BTLA: variants seen among roughly 807,000 people sequenced by gnomAD.
The protein encoded by BTLA is B- and T-lymphocyte attenuator.
BTLA carries 11 observed loss-of-function variants against 25.0 expected under a neutral mutation model. That is an observed-to-expected ratio of 0.44 (90% CI 0.28 to 0.73). The LOEUF (loss-of-function observed/expected upper bound fraction) is 0.73. BTLA is among the 30% of genes least tolerant of loss of function. The pLI is 0.15. For missense variants in BTLA, 282 were observed against 332.8 expected (o/e 0.85, Z 1.19); for synonymous variants, 104 against 119.8 (o/e 0.87, Z 0.86).
intron 1 of BTLA, among the ~76,000 whole-genome samples, chr3:112,497,573 A>G (rs1008333832): frequency 6.6e-6 from 1 of 152,208 alleles, no homozygotes; most frequent in Non-Finnish European, 1.5e-5. Flanking sequence ...CTATTTAATA[A>G]TATTTGACTC....
At chr3:112,480,299 A>G (rs576272641) in intron 1 of BTLA, among the ~76,000 whole-genome samples, 14 of 152,292 alleles carry the variant, frequency 9.2e-5, no homozygotes, top group Middle Eastern at 3.4e-3. Context: ...TAATCTCACC[A>G]TCATTTGCTG....
intron 2 of BTLA, among the ~76,000 whole-genome samples, chr3:112,473,611 CTTTTTTT>C (rs777897332): frequency 1.7e-5 from 2 of 115,154 alleles, no homozygotes; most frequent in African/African-American, 3.7e-5. Context: ...TTTTCTTCTT[CTTTTTTT>C]TTTTTTTTTT....
At chr3:112,471,437 C>G in intron 2 of BTLA, 82 bp from the exon 3 acceptor site, 1 of 1,438,250 alleles carries the variant, frequency 7.0e-7, no homozygotes, top group East Asian at 2.3e-5. Context: ...ATTGTCAGAA[C>G]TTGAGTGAAG....
intron 4 of BTLA, among the ~76,000 whole-genome samples, chr3:112,467,168 G>A (rs1473977302): frequency 1.3e-5 from 2 of 151,952 alleles, no homozygotes; most frequent in African/African-American, 4.8e-5. Context: ...CACCATTTTA[G>A]CCAGGATGGT....
chr3:112,478,003 T>C (rs1267492797), intron 2 of BTLA, among the ~76,000 whole-genome samples: 12 of 67,288 alleles, frequency 1.8e-4, no homozygotes, highest in Non-Finnish European at 5.7e-5. Flanking sequence ...GACAATACTA[T>C]TCTTTTTTTT....
chr3:112,488,115 G>T (rs1054071256), intron 1 of BTLA, among the ~76,000 whole-genome samples: 1 of 152,000 alleles, frequency 6.6e-6, no homozygotes, highest in Non-Finnish European at 1.5e-5. Flanking sequence ...TCTGTTTCAT[G>T]TGGATTATTG....
In BTLA at chr3:112,464,861, A is replaced by G. The variant is rs995132138; in HGVS notation, c.*1247T>C. On this transcript the variant is annotated 3_prime_UTR_variant, in exon 5 of 5. Transcript: ENST00000334529. ...TCCTTTGTGCAGCAGCTCAGCTCAC[A>G]TATTTGTTGAAATGGATTTTAACCT... 6.6e-6 allele frequency: 1 copy of G among 152,244 alleles called. No individual in the cohort carries two copies. The highest frequency in any genetic ancestry group is 1.9e-4 in the East Asian group (1 of 5,182). The allele number at this position is 152,244 out of a possible 1,614,324, so 9.4% of individuals were successfully genotyped here.
chr3:112,485,960 A>C (rs1402015904), intron 1 of BTLA, among the ~76,000 whole-genome samples: 1 of 152,118 alleles, frequency 6.6e-6, no homozygotes, highest in Non-Finnish European at 1.5e-5. Flanking sequence ...AAAATACAAA[A>C]CAAAAAATTA....
intron 3 of BTLA, among the ~76,000 whole-genome samples, chr3:112,470,860 C>G (rs1347904893): frequency 2.0e-5 from 3 of 152,174 alleles, no homozygotes; most frequent in African/African-American, 7.2e-5. Context: ...ATATCTTGAT[C>G]TGAGAGATTG....
chr3:112,495,952 T>A (rs2082406855), intron 1 of BTLA, among the ~76,000 whole-genome samples: 1 of 152,162 alleles, frequency 6.6e-6, no homozygotes, highest in South Asian at 2.1e-4. Context: ...CACTGTATTC[T>A]CAAAAGAGCC....
At chr3:112,496,888 C>A (rs1487363024) in intron 1 of BTLA, among the ~76,000 whole-genome samples, 2 of 152,078 alleles carry the variant, frequency 1.3e-5, no homozygotes, top group African/African-American at 4.8e-5. Flanking sequence ...CCAACACACC[C>A]AGCAAATTTT....
At chr3:112,488,511 C>T (rs539210193) in intron 1 of BTLA, among the ~76,000 whole-genome samples, 72 of 152,212 alleles carry the variant, frequency 4.7e-4, no homozygotes, top group East Asian at 1.7e-3. Context: ...CGTGAGCCAC[C>T]GCACTGGGCC....
intron 1 of BTLA, among the ~76,000 whole-genome samples, chr3:112,496,367 C>A (rs2971204): frequency 0.16 from 25,035 of 152,102 alleles, 4,459 homozygotes; most frequent in African/African-American, 0.44. Context: ...AAAAAGTAAG[C>A]AAGCATACTT....
In BTLA at chr3:112,479,730, T is replaced by G; in HGVS notation, c.128A>C (p.Gln43Pro). Reference protein sequence around the residue: ...SCDVQLYIKRQSEHSILAGDP... With the variant: ...SCDVQLYIKRPSEHSILAGDP... ...TCCTGCTAAGATGGAGTGTTCAGAT[T>G]GTCTCTTTATATAAAGCTGTACATC... Residue 43 changes from glutamine (Q) to proline (P), a missense_variant, in exon 2 of 5, where the codon CAA (glutamine) becomes CCA (proline). By Grantham distance (76) the Gln-to-Pro change is moderately conservative (BLOSUM62 -1). Around this residue, in one of 2 missense-constraint regions of BTLA, gnomAD observed 163 missense variants for 230.4 expected, o/e 0.71. Coordinates refer to ENST00000334529, the MANE Select transcript of BTLA (RefSeq NM_181780.4). The G allele has an allele frequency of 6.2e-7, 1 of 1,613,410 alleles. No homozygotes were observed. The highest frequency in any genetic ancestry group is 8.5e-7 in the Non-Finnish European group (1 of 1,179,666).
At position 112,471,265 on chromosome 3, in the gene BTLA, G is replaced by A; in HGVS notation, c.494C>T (p.Pro165Leu). 1 of 1,614,132 alleles carries A rather than the reference G, an allele frequency of 6.2e-7. No homozygotes were observed. The highest frequency in any genetic ancestry group is 8.5e-7 in the Non-Finnish European group (1 of 1,179,980). ...GCAGAAACAGGTAGTGATGAGTAGA[G>A]GCAATCCCCCCAAAGGAAGTAAACG... ...LYRLLPLGGLPLLITTCFCLF... is the reference protein window; with the variant it reads ...LYRLLPLGGLLLLITTCFCLF... Residue 165 changes from proline (P) to leucine (L), a missense_variant, in exon 3 of 5, where the codon CCT (proline) becomes CTT (leucine). Coordinates refer to ENST00000334529, the MANE Select transcript of BTLA (RefSeq NM_181780.4).
At chr3:112,466,958 CTTTT>C (rs869038641) in intron 4 of BTLA, among the ~76,000 whole-genome samples, 1,685 of 40,816 alleles carry the variant, frequency 0.041, 49 homozygotes, top group East Asian at 0.16. Flanking sequence ...GAAAATTCTT[CTTTT>C]TTTTTTTTTT....
At chr3:112,486,907 A>G (rs991423929) in intron 1 of BTLA, among the ~76,000 whole-genome samples, 2 of 152,048 alleles carry the variant, frequency 1.3e-5, no homozygotes, top group Admixed American at 1.3e-4. Flanking sequence ...TTGTCTCAGC[A>G]TTCTCTGTGG....
Position 112,464,829 on chromosome 3 carries a change from A to ACC in BTLA, c.*1278_*1279insGG, listed in dbSNP as rs397744204. The ACC allele has an allele frequency of 6.7e-6, 1 of 148,822 alleles. No homozygotes were observed. The highest frequency in any genetic ancestry group is 1.5e-5 in the Non-Finnish European group (1 of 67,126). 9.2% of individuals were successfully genotyped at this position (148,822 alleles called of 1,614,324 possible). Reference sequence around the variant, plus strand: ...CACACACACACACACACACACACACATCACATTCCTTTGTGCAGCAGCTCA... The same window carrying ACC: ...CACACACACACACACACACACACACACCTCACATTCCTTTGTGCAGCAGCTCA... On this transcript the variant is annotated 3_prime_UTR_variant, in exon 5 of 5. Transcript: ENST00000334529.
intron 2 of BTLA, among the ~76,000 whole-genome samples, chr3:112,477,761 T>C (rs947099889): frequency 6.6e-6 from 1 of 152,092 alleles, no homozygotes; most frequent in African/African-American, 2.4e-5. Flanking sequence ...TAGTTTTAGC[T>C]CTTCTACTTA....
Sources: allele counts gnomAD v4.1 joint callset (sites outside exome capture counted in the v4.1 genomes callset), GRCh38; gene constraint gnomAD v4.1.1; regional missense constraint gnomAD v4.1.1; transcripts MANE v1.5; gene names NCBI Gene and HGNC (gene_info 2026-07-23, HGNC 2026-07-21).